USP28: variants seen among roughly 807,000 people sequenced by gnomAD.
USP28 encodes the protein ubiquitin specific peptidase 28, also known as ubiquitin carboxyl-terminal hydrolase 28.
USP28 carries 113 observed loss-of-function variants against 145.0 expected under a neutral mutation model. That is an observed-to-expected ratio of 0.78 (90% CI 0.67 to 0.91). The LOEUF is 0.91. Among genes scored for constraint, USP28 ranks in the 40% least tolerant of loss-of-function variants. USP28 has a pLI of 0.00. For missense variants in USP28, 1,201 were observed against 1,289.6 expected (o/e 0.93, Z 1.05); for synonymous variants, 447 against 450.9 (o/e 0.99, Z 0.11).
chr11:113,832,354 C>T (rs754397605), intron 7 of USP28, among the ~76,000 whole-genome samples: 20 of 152,194 alleles, frequency 1.3e-4, no homozygotes, highest in Non-Finnish European at 2.5e-4. Flanking sequence ...AAATGATCCA[C>T]CTGCCTCGGC....
chr11:113,803,437 G>C (rs1341992540), intron 22 of USP28, among the ~76,000 whole-genome samples, 156 bp from the exon 24 acceptor site: 1 of 152,094 alleles, frequency 6.6e-6, no homozygotes, highest in East Asian at 1.9e-4. Context: ...TCTACAAATT[G>C]GCCTAGCCAT....
chr11:113,847,931 G>C (rs1946057890), intron 3 of USP28, among the ~76,000 whole-genome samples: 1 of 152,188 alleles, frequency 6.6e-6, no homozygotes, highest in South Asian at 2.1e-4. Flanking sequence ...AACAGTTCTG[G>C]AAGCCTTATT....
chr11:113,852,932 T>C (rs1204973097), intron 2 of USP28, among the ~76,000 whole-genome samples: 1 of 152,030 alleles, frequency 6.6e-6, no homozygotes, highest in Non-Finnish European at 1.5e-5. Flanking sequence ...CTCTGAACAG[T>C]CTAAAGCACG....
exon 1 of USP28, chr11:113,875,469 G>T: frequency 8.1e-7 from 1 of 1,235,330 alleles, no homozygotes; most frequent in South Asian, 2.4e-5. Flanking sequence ...CTGCCGCGCC[G>T]GCCGCGTCGT....
rs1946328262 is a variant in USP28 at position 113,850,442 on chromosome 11, C to T, written c.268+2059G>A. Among the ~76,000 whole-genome samples, 3 of 152,146 alleles carry T rather than the reference C, an allele frequency of 2.0e-5. No individual in the cohort carries two copies. The South Asian group carries it at 6.2e-4, about 31-fold the overall frequency. ...AAATGAATGAACTACAGTTATAATC[C>T]TCAGCATGGGTGAGTCTCAAAAAGA... On this transcript the variant is annotated intron_variant, in intron 3 of 24. Coordinates refer to ENST00000003302, the Ensembl canonical transcript of USP28.
chr11:113,817,961 A>AT (rs1283860441), intron 12 of USP28, 124 bp from the exon 13 acceptor site: 5 of 984,070 alleles, frequency 5.1e-6, no homozygotes, highest in Non-Finnish European at 7.5e-6. Context: ...GCTATACAAT[A>AT]TTTAATAGGG....
chr11:113,831,642 T>TA (rs1301012296), intron 8 of USP28, among the ~76,000 whole-genome samples: 1 of 151,934 alleles, frequency 6.6e-6, no homozygotes, highest in Non-Finnish European at 1.5e-5. Flanking sequence ...TTTTTACAAA[T>TA]ACATTTTACA....
chr11:113,833,596 A>C, intron 6 of USP28, 39 bp from the exon 7 acceptor site: 83 of 1,567,514 alleles, frequency 5.3e-5, no homozygotes, highest in Non-Finnish European at 6.6e-5. Flanking sequence ...ACAATATCTC[A>C]TTTAGAAAAT....
intron 24 of USP28, among the ~76,000 whole-genome samples, chr11:113,800,946 G>A (rs1938901986): frequency 6.6e-6 from 1 of 151,148 alleles, no homozygotes; most frequent in Admixed American, 6.6e-5. Context: ...AGGTTCAAGT[G>A]ATTCTCCTGC....
At chr11:113,827,256 A>G in exon 11 of USP28, 4 of 1,610,256 alleles carry the variant, frequency 2.5e-6, no homozygotes, top group Non-Finnish European at 3.4e-6. Context: ...TAATCTGAGG[A>G]AATTCCAGCT....
intron 9 of USP28, among the ~76,000 whole-genome samples, 178 bp downstream of exon 9, chr11:113,830,689 G>C (rs1943881235): frequency 6.6e-6 from 1 of 152,138 alleles, no homozygotes; most frequent in South Asian, 2.1e-4. Flanking sequence ...AAGAGACTGA[G>C]GATCCAGAAG....
At chr11:113,809,933 G>A (rs572288355) in intron 16 of USP28, among the ~76,000 whole-genome samples, 26 of 152,096 alleles carry the variant, frequency 1.7e-4, no homozygotes, top group African/African-American at 6.0e-4. Context: ...TACTTAGAAG[G>A]CTGAAGTGGG....
intron 1 of USP28, among the ~76,000 whole-genome samples, chr11:113,863,400 C>A (rs1250782160): frequency 1.3e-5 from 2 of 152,064 alleles, no homozygotes; most frequent in Non-Finnish European, 2.9e-5. Context: ...AATCCCAGCA[C>A]TTTGGGAGGC....
rs1473221007 is a variant in USP28 at position 113,866,761 on chromosome 11, T to C, written c.57+8684A>G. On this transcript the variant is annotated intron_variant, in intron 1 of 24. Coordinates refer to ENST00000003302, the Ensembl canonical transcript of USP28. ...TGGCAGTTCCTCAAGAAGTTAAACA[T>C]AGAATTACCATATGAGTCAACAATT... 4.6e-5 allele frequency among the ~76,000 whole-genome samples: 7 copies of C among 152,294 alleles called. No homozygotes were observed. In the South Asian group the frequency reaches 1.4e-3, roughly 32 times the overall value.
intron 1 of USP28, among the ~76,000 whole-genome samples, chr11:113,865,019 C>T (rs1467435159): frequency 1.3e-5 from 2 of 152,022 alleles, no homozygotes; most frequent in Non-Finnish European, 2.9e-5. Flanking sequence ...TTCATATTTT[C>T]GGTAAAGGTG....
intron 1 of USP28, among the ~76,000 whole-genome samples, chr11:113,862,518 C>T (rs1352694684): frequency 6.6e-6 from 1 of 152,136 alleles, no homozygotes; most frequent in East Asian, 1.9e-4. Context: ...ATTAATCTAG[C>T]CCACGTGAAC....
At chr11:113,815,706 G>C (rs551721494) in intron 13 of USP28, among the ~76,000 whole-genome samples, 1 of 152,146 alleles carries the variant, frequency 6.6e-6, no homozygotes, top group Non-Finnish European at 1.5e-5. Flanking sequence ...CATGTTCTCT[G>C]ATCACTGATT....
intron 1 of USP28, among the ~76,000 whole-genome samples, chr11:113,862,480 T>C (rs1947795739): frequency 6.6e-6 from 1 of 152,122 alleles, no homozygotes. Flanking sequence ...AGGGAAGATA[T>C]ACGAAGGAAG....
chr11:113,833,621 A>G (rs1015303161), intron 6 of USP28, 64 bp from the exon 7 acceptor site: 2 of 1,518,600 alleles, frequency 1.3e-6, no homozygotes, highest in African/African-American at 2.8e-5. Context: ...ACGTGTAAAG[A>G]AAAAAAAGTT....
Sources: gnomAD v4.1 joint callset for allele counts (sites outside exome capture counted in the v4.1 genomes callset) on GRCh38, gnomAD v4.1.1 for gene constraint, MANE v1.5 for transcripts, NCBI Gene and HGNC (gene_info 2026-07-23, HGNC 2026-07-21) for gene names.